Variants in CASD1 observed in about 807,000 individuals in gnomAD.
CASD1 encodes the protein CAS1 domain sialic acid O acetyltransferase 1, also known as N-acetylneuraminate (7)9-O-acetyltransferase.
CASD1 carries 41 observed loss-of-function variants against 100.0 expected under a neutral mutation model. That is an observed-to-expected ratio of 0.41 (90% CI 0.32 to 0.53). CASD1 has a LOEUF of 0.53. Among genes scored for constraint, CASD1 ranks in the 20% least tolerant of loss-of-function variants. CASD1 has a pLI of 0.25. For missense variants in CASD1, 774 were observed against 948.7 expected (o/e 0.82, Z 2.42); for synonymous variants, 321 against 315.6 (o/e 1.02, Z -0.18).
chr7:94,610,204 G>A, the CASD1 span, among the ~76,000 whole-genome samples: 1 of 152,204 alleles, frequency 6.6e-6, no homozygotes, highest in Middle Eastern at 3.2e-3. Context: ...AAGTTGGGGG[G>A]AAGGAGGGAT....
the CASD1 span, among the ~76,000 whole-genome samples, chr7:94,574,093 G>A: frequency 6.6e-6 from 1 of 152,100 alleles, no homozygotes. Context: ...TGATTGTGGT[G>A]GATTAGCTTT....
At chr7:94,587,290 T>C in the CASD1 span, 7 of 990,370 alleles carry the variant, frequency 7.1e-6, no homozygotes, top group East Asian at 6.5e-4. Flanking sequence ...TATCATCTAC[T>C]CAAGTTTCCT....
At chr7:94,522,658 A>G (rs1794340688) in intron 3 of CASD1, among the ~76,000 whole-genome samples, 3 of 149,506 alleles carry the variant, frequency 2.0e-5, no homozygotes. Context: ...AATTATTTTT[A>G]TTTATTTTTT....
chr7:94,546,732 A>T (rs531327046), intron 12 of CASD1, among the ~76,000 whole-genome samples: 1 of 151,964 alleles, frequency 6.6e-6, no homozygotes, highest in Admixed American at 6.6e-5. Flanking sequence ...CACCAAAGTC[A>T]TATTCAACAG....
the CASD1 span, among the ~76,000 whole-genome samples, chr7:94,566,436 G>T: frequency 2.7e-5 from 4 of 150,842 alleles, no homozygotes; most frequent in Non-Finnish European, 4.4e-5. Flanking sequence ...CAAAAGAAAT[G>T]CTGCAAACAA....
the CASD1 span, chr7:94,623,240 A>G: frequency 1.2e-6 from 1 of 822,496 alleles, no homozygotes; most frequent in Non-Finnish European, 1.9e-6. Flanking sequence ...GCATTTTAAA[A>G]TTCTTGACTA....
the CASD1 span, chr7:94,599,934 A>G: frequency 2.5e-6 from 1 of 407,592 alleles, no homozygotes; most frequent in Non-Finnish European, 4.3e-6. Context: ...TAGAAAAATG[A>G]AAAAAATGGA....
chr7:94,529,194 T>C (rs1050917225), intron 5 of CASD1, among the ~76,000 whole-genome samples: 12 of 152,194 alleles, frequency 7.9e-5, no homozygotes, highest in Non-Finnish European at 5.9e-5. Flanking sequence ...TAATGTTCCA[T>C]GTATATTTGA....
At chr7:94,588,776 A>G in the CASD1 span, 71 of 1,611,068 alleles carry the variant, frequency 4.4e-5, no homozygotes, top group African/African-American at 9.3e-4. Context: ...TTGTTTACAC[A>G]CTTGTAAACA....
chr7:94,596,123 C>G, the CASD1 span, among the ~76,000 whole-genome samples: 3 of 152,122 alleles, frequency 2.0e-5, no homozygotes, highest in South Asian at 6.2e-4. Context: ...AATATAATAG[C>G]CTATTGCATT....
chr7:94,542,721 A>T (rs1389945249), intron 10 of CASD1, among the ~76,000 whole-genome samples: 1 of 152,212 alleles, frequency 6.6e-6, no homozygotes, highest in Admixed American at 6.5e-5. Flanking sequence ...TTCTTCTATT[A>T]AAAGATGCTT....
chr7:94,584,640 G>T, the CASD1 span, among the ~76,000 whole-genome samples: 1 of 152,180 alleles, frequency 6.6e-6, no homozygotes, highest in Non-Finnish European at 1.5e-5. Flanking sequence ...TTAAGAGAAG[G>T]TTTTCCAGCT....
At chr7:94,515,431 A>G (rs1457966348) in intron 1 of CASD1, among the ~76,000 whole-genome samples, 2 of 141,682 alleles carry the variant, frequency 1.4e-5, no homozygotes, top group Non-Finnish European at 3.0e-5. Context: ...TTTTTTTTTG[A>G]TACGGGTTCA....
At chr7:94,574,485 A>G in the CASD1 span, among the ~76,000 whole-genome samples, 1 of 152,116 alleles carries the variant, frequency 6.6e-6, no homozygotes, top group East Asian at 1.9e-4. Flanking sequence ...GAATTTATCC[A>G]TCTCTTCTAC....
At chr7:94,533,581 A>G (rs1207567349) in intron 6 of CASD1, 98 bp from the exon 7 acceptor site, 3 of 868,380 alleles carry the variant, frequency 3.5e-6, no homozygotes, top group Non-Finnish European at 4.9e-6. Flanking sequence ...AAAATGAGAA[A>G]TATCTAAAAT....
At chr7:94,548,912 G>C (rs926088491) in intron 13 of CASD1, among the ~76,000 whole-genome samples, 2 of 151,906 alleles carry the variant, frequency 1.3e-5, no homozygotes, top group African/African-American at 4.8e-5. Flanking sequence ...AGATTCATAA[G>C]AGGGTACTAT....
chr7:94,631,316 T>C, the CASD1 span, among the ~76,000 whole-genome samples: 1 of 151,640 alleles, frequency 6.6e-6, no homozygotes, highest in Non-Finnish European at 1.5e-5. Context: ...TTTTTACCAG[T>C]TTGATACCAC....
rs1795191153 is a variant in CASD1, at chr7:94,537,773, A to G, written c.1145A>G (p.Tyr382Cys). ...CTTGGCCTGATTATGGCATATTTCT[A>G]TATGTGTGACCGTGCAAATCTGTTC... ...CKLGLIMAYF[Y>C]MCDRANLFMK... is the part of the protein sequence containing the mutation. The change falls in exon 9 of 18, where the codon TAT becomes TGT. Residue 382 changes from tyrosine to cysteine, a missense_variant. This residue lies in a region of CASD1 where 453 missense variants were observed against 532.6 expected (regional missense o/e 0.85). Transcript: ENST00000297273. 3.1e-6 allele frequency: 5 copies of G among 1,613,648 alleles called. No individual in the cohort carries two copies. Among genetic ancestry groups the G allele is most frequent in the East Asian group, 2.2e-5 (1 of 44,848 alleles).
intron 11 of CASD1, among the ~76,000 whole-genome samples, 166 bp from the exon 12 acceptor site, chr7:94,545,379 T>G (rs1029310409): frequency 1.3e-5 from 2 of 152,106 alleles, no homozygotes; most frequent in Non-Finnish European, 2.9e-5. Context: ...TTACAGTGAA[T>G]GTAAAACAAA....
Sources: allele counts gnomAD v4.1 joint callset (sites outside exome capture counted in the v4.1 genomes callset), GRCh38; gene constraint gnomAD v4.1.1; regional missense constraint gnomAD v4.1.1; transcripts MANE v1.5; gene names NCBI Gene and HGNC (gene_info 2026-07-23, HGNC 2026-07-21).